Variants in PAPOLA observed in about 807,000 individuals in gnomAD.
PAPOLA encodes polynucleotide adenylyltransferase alpha.
Under a neutral mutation model 100.6 loss-of-function variants are expected in PAPOLA, and 15 were observed. That is an observed-to-expected ratio of 0.15 (90% confidence interval 0.10 to 0.23). The LOEUF (loss-of-function observed/expected upper bound fraction) is 0.23. Ranked by LOEUF, PAPOLA falls within the 10% of genes least tolerant of loss-of-function variation. The pLI is 1.00. For missense variants in PAPOLA, 533 were observed against 884.2 expected, an observed-to-expected ratio of 0.60 and a Z score of 5.04; for synonymous variants, 293 against 300.0, an observed-to-expected ratio of 0.98 and a Z score of 0.24.
At chr14:96,503,110 G>A (rs1358233010) in intron 1 of PAPOLA, among the ~76,000 whole-genome samples, 1 of 152,152 alleles carries the variant, frequency 6.6e-6, no homozygotes, top group Non-Finnish European at 1.5e-5. Context: ...TGTCTTGTGC[G>A]CCGGAGTTAG....
intron 10 of PAPOLA, 97 bp downstream of exon 10, chr14:96,534,660 A>C: frequency 6.3e-7 from 1 of 1,592,012 alleles, no homozygotes; most frequent in African/African-American, 1.3e-5. Flanking sequence ...CCTTTTACTT[A>C]TGAATGGTCA....
intron 1 of PAPOLA, 21 bp downstream of exon 1, chr14:96,502,621 T>A: frequency 1.3e-6 from 2 of 1,570,516 alleles, no homozygotes; most frequent in Non-Finnish European, 8.6e-7. Context: ...TGTATTCTGT[T>A]TTCTTTCGCT....
rs1337418473 is a variant in PAPOLA, at chr14:96,560,803, A to T, written c.2067+92A>T. 6 of 874,058 alleles carry T rather than the reference A, an allele frequency of 6.9e-6. No individual in the cohort carries two copies. In the African/African-American group the frequency reaches 8.5e-5, roughly 12 times the overall value. 54.1% of individuals were successfully genotyped at this position (874,058 alleles called of 1,614,324 possible). A position where few individuals can be genotyped will look rare whatever the true frequency, so the allele number is the denominator to read the frequency against. ...CTAAAATATTGTATTTTTGTGCTATAGGTTTTAGATTTTTTTAGTATTGTT... is the reference window on the plus strand; with the variant it reads ...CTAAAATATTGTATTTTTGTGCTATTGGTTTTAGATTTTTTTAGTATTGTT... On this transcript the variant is annotated intron_variant, in intron 20 of 21. Coordinates refer to ENST00000216277, the MANE Select transcript of PAPOLA (RefSeq NM_032632.5).
intron 4 of PAPOLA, chr14:96,526,969 A>C (rs1163334891): frequency 6.5e-6 from 1 of 154,138 alleles, no homozygotes; most frequent in Non-Finnish European, 1.4e-5. Flanking sequence ...CAAATATTTT[A>C]CCATTGTCTA....
At chr14:96,552,683 C>A in intron 17 of PAPOLA, 61 bp downstream of exon 17, 1 of 1,420,624 alleles carries the variant, frequency 7.0e-7, no homozygotes, top group Non-Finnish European at 9.7e-7. Flanking sequence ...CAGATACATT[C>A]TCTTTTTGCT....
intron 16 of PAPOLA, among the ~76,000 whole-genome samples, chr14:96,551,579 G>C (rs2140319271): frequency 6.6e-6 from 1 of 152,230 alleles, no homozygotes; most frequent in East Asian, 1.9e-4. Context: ...CATGTATAAG[G>C]AATGTATTTT....
intron 3 of PAPOLA, among the ~76,000 whole-genome samples, chr14:96,523,314 C>G (rs781751786): frequency 5.9e-5 from 9 of 152,270 alleles, no homozygotes; most frequent in Non-Finnish European, 1.2e-4. Context: ...ATACTAGTCA[C>G]TAGTCACCAG....
rs574223693 is a variant in PAPOLA, at chr14:96,503,877, A to G, written c.8+1277A>G. The stretch of plus-strand genomic sequence containing the variant: ...TTTGGCACAGACCTTAATGACTTCT[A>G]TCGCAATTTATGTATTTTAAAAGGA... On this transcript the variant is annotated intron_variant, in intron 1 of 21. Coordinates refer to ENST00000216277, the MANE Select transcript of PAPOLA (RefSeq NM_032632.5). Among the ~76,000 whole-genome samples the G allele has an allele frequency of 5.3e-5, 8 of 152,258 alleles. No homozygotes were observed. The South Asian group carries it at 1.0e-3, about 20-fold the overall frequency.
At chr14:96,521,471 A>G (rs1339046762) in intron 3 of PAPOLA, among the ~76,000 whole-genome samples, 2 of 152,054 alleles carry the variant, frequency 1.3e-5, no homozygotes, top group Non-Finnish European at 2.9e-5. Context: ...TTCAAACTGA[A>G]TATTTATTTA....
chr14:96,565,532 T>G lies in PAPOLA; in HGVS notation c.*482T>G, dbSNP rs1902204098. 2.4e-6 allele frequency: 1 copy of G among 409,100 alleles called. No homozygotes were observed. The highest frequency in any genetic ancestry group is 2.0e-5 in the African/African-American group (1 of 48,918). The allele number at this position is 409,100 out of a possible 1,614,324, so 25.3% of individuals were successfully genotyped here. A position where few individuals can be genotyped will look rare whatever the true frequency, so the allele number is the denominator to read the frequency against. On this transcript the variant is annotated 3_prime_UTR_variant, in exon 22 of 22. Coordinates refer to ENST00000216277, the MANE Select transcript of PAPOLA (RefSeq NM_032632.5). ...CATTAGTCTTCAAATTGGATACTGT[T>G]GTGCAGTGGTGTACTGTTATACTTC...
Position 96,520,224 on chromosome 14 carries a change from C to T in PAPOLA, c.178C>T (p.Arg60Cys), listed in dbSNP as rs763626039. ...GVFEEEEELQRRILILGKLNN... is the reference protein window; with the variant it reads ...GVFEEEEELQCRILILGKLNN... Reference sequence around the variant, plus strand: ...TTTTGAAGAGGAAGAGGAACTGCAGCGCAGGTAAATAGATATTCTATATTT... The same window carrying T: ...TTTTGAAGAGGAAGAGGAACTGCAGTGCAGGTAAATAGATATTCTATATTT... The change falls in exon 2 of 22, where the codon CGC becomes TGC. Residue 60 changes from arginine (R) to cysteine (C), a missense_variant. Coordinates refer to ENST00000216277, the MANE Select transcript of PAPOLA (RefSeq NM_032632.5). 8.7e-6 allele frequency: 14 copies of T among 1,605,410 alleles called. No individual in the cohort carries two copies. Among genetic ancestry groups the T allele is most frequent in the East Asian group, 6.7e-5 (3 of 44,816 alleles).
intron 20 of PAPOLA, among the ~76,000 whole-genome samples, chr14:96,561,830 T>TG (rs1901869098): frequency 6.9e-6 from 1 of 144,546 alleles, no homozygotes; most frequent in South Asian, 2.1e-4. Context: ...AATATTTCGT[T>TG]TTTTTTTTTT....
chr14:96,564,989 C>G lies in PAPOLA; in HGVS notation c.2177C>G (p.Ala726Gly), dbSNP rs1165060184. 6.2e-7 allele frequency: 1 copy of G among 1,600,720 alleles called. No individual in the cohort carries two copies. Among genetic ancestry groups the G allele is most frequent in the Non-Finnish European group, 8.6e-7 (1 of 1,167,984 alleles). ...AGTACAGACCTTTCTGATATCCCTGCTCTCCCTGCAAATCCTATTCCTGTT... is the reference window on the plus strand; with the variant it reads ...AGTACAGACCTTTCTGATATCCCTGGTCTCCCTGCAAATCCTATTCCTGTT... ...TSSTDLSDIP[A>G]LPANPIPVIK... The change falls in exon 22 of 22, where the codon GCT (alanine) becomes GGT (glycine). Residue 726 changes from alanine (A) to glycine (G), a missense_variant. Ala to Gly is a moderately conservative substitution (Grantham distance 60). Coordinates refer to ENST00000216277, the MANE Select transcript of PAPOLA (RefSeq NM_032632.5).
chr14:96,534,558 C>T lies in PAPOLA; in HGVS notation c.904C>T (p.Pro302Ser). The change falls in exon 10 of 22, where the codon CCA becomes TCA. Residue 302 changes from proline to serine, a missense_variant. Physicochemically the swap from Pro to Ser is moderately conservative, Grantham distance 74. Coordinates refer to ENST00000216277, the MANE Select transcript of PAPOLA (RefSeq NM_032632.5). The stretch of plus-strand genomic sequence containing the variant: ...CAATCTTAATTTGCCTGTATGGGAC[C>T]CAAGGGTTAGTGTATTATTTTTTCC... ...ECNLNLPVWD[P>S]RVNPSDRYHL... 2 of 1,613,740 alleles carry T rather than the reference C, an allele frequency of 1.2e-6. No individual in the cohort carries two copies. Among genetic ancestry groups the T allele is most frequent in the Non-Finnish European group, 8.5e-7 (1 of 1,179,842 alleles).
chr14:96,535,006 C>T, intron 10 of PAPOLA: 1 of 977,558 alleles, frequency 1.0e-6, no homozygotes, highest in African/African-American at 1.8e-5. Context: ...CTTTAATTAC[C>T]ATGATGTAAT....
intron 17 of PAPOLA, among the ~76,000 whole-genome samples, chr14:96,554,569 G>A (rs1313458455): frequency 6.6e-6 from 1 of 152,130 alleles, no homozygotes; most frequent in African/African-American, 2.4e-5. Flanking sequence ...TCATTCACCA[G>A]TTTCAGAGTG....
intron 9 of PAPOLA, chr14:96,534,059 C>T (rs759667829): frequency 8.1e-6 from 8 of 986,924 alleles, no homozygotes; most frequent in Non-Finnish European, 9.6e-6. Flanking sequence ...GTCATGAATT[C>T]TATAATTATT....
At chr14:96,525,492 A>G (rs1280968801) in intron 4 of PAPOLA, 101 bp downstream of exon 4, 8 of 568,198 alleles carry the variant, frequency 1.4e-5, no homozygotes, top group East Asian at 6.3e-5. Flanking sequence ...TTAGGCTTGC[A>G]TGGAAGAGAG....
intron 12 of PAPOLA, among the ~76,000 whole-genome samples, chr14:96,539,176 G>T (rs1302124004): frequency 5.3e-5 from 8 of 152,080 alleles, no homozygotes; most frequent in African/African-American, 1.7e-4. Context: ...TACTTCAGTT[G>T]TTAGATTTCA....
Sources: allele counts gnomAD v4.1 joint callset (sites outside exome capture counted in the v4.1 genomes callset), GRCh38; gene constraint gnomAD v4.1.1; transcripts MANE v1.5; gene names NCBI Gene and HGNC (gene_info 2026-07-23, HGNC 2026-07-21).